NELL2: variants seen among roughly 807,000 people sequenced by gnomAD.
NELL2 encodes protein kinase C-binding protein NELL2.
In NELL2, 41 loss-of-function variants were observed where a neutral mutation model predicts 109.6. That is an observed-to-expected ratio of 0.37 (90% CI 0.29 to 0.49). The LOEUF (loss-of-function observed/expected upper bound fraction) is 0.49. Ranked by LOEUF, NELL2 falls within the 20% of genes least tolerant of loss-of-function variation. The pLI, the probability that NELL2 is intolerant of heterozygous loss-of-function variation, is 0.98. For missense variants in NELL2, 900 were observed against 1,008.3 expected, an observed-to-expected ratio of 0.89 and a Z score of 1.45; for synonymous variants, 355 against 344.7, an observed-to-expected ratio of 1.03 and a Z score of -0.33.
chr12:44,558,577 G>A (rs1180227849), intron 15 of NELL2, among the ~76,000 whole-genome samples: 1 of 152,160 alleles, frequency 6.6e-6, no homozygotes, highest in Non-Finnish European at 1.5e-5. Context: ...AAGGGGTCAG[G>A]GAACTCCCTC....
chr12:44,865,837 A>AAAAG, intron 2 of NELL2, among the ~76,000 whole-genome samples: 1 of 149,672 alleles, frequency 6.7e-6, no homozygotes, highest in South Asian at 2.1e-4. Context: ...AAAAAAAAAA[A>AAAAG]GTTTTAACAA....
At chr12:44,752,614 T>C (rs1940702480) in intron 9 of NELL2, among the ~76,000 whole-genome samples, 1 of 152,182 alleles carries the variant, frequency 6.6e-6, no homozygotes, top group Admixed American at 6.5e-5. Context: ...CAGAAAGTCC[T>C]GAAAAGTTCC....
At chr12:44,623,128 G>T (rs968654561) in intron 13 of NELL2, among the ~76,000 whole-genome samples, 3 of 152,054 alleles carry the variant, frequency 2.0e-5, no homozygotes, top group Non-Finnish European at 2.9e-5. Context: ...AGTTGTGGTC[G>T]TTACAAGATG....
chr12:44,722,520 T>A (rs1304396732), intron 9 of NELL2, among the ~76,000 whole-genome samples: 1 of 152,140 alleles, frequency 6.6e-6, no homozygotes, highest in African/African-American at 2.4e-5. Flanking sequence ...CTTCCCTGCC[T>A]TCAAGGAGCA....
At chr12:44,606,139 T>C (rs909996654) in intron 15 of NELL2, among the ~76,000 whole-genome samples, 2 of 152,124 alleles carry the variant, frequency 1.3e-5, no homozygotes, top group Non-Finnish European at 2.9e-5. Context: ...CACTTAGCAG[T>C]ACTTATAGAA....
At chr12:44,711,189 C>T in intron 11 of NELL2, 103 bp downstream of exon 11, 1 of 795,338 alleles carries the variant, frequency 1.3e-6, no homozygotes, top group Non-Finnish European at 2.1e-6. Flanking sequence ...TACTATTAGT[C>T]TATGGAAATA....
intron 2 of NELL2, among the ~76,000 whole-genome samples, chr12:44,851,467 A>C (rs536016938): frequency 4.6e-5 from 7 of 152,320 alleles, no homozygotes; most frequent in Admixed American, 4.6e-4. Flanking sequence ...CAATAACAAA[A>C]TATGCACAAA....
chr12:44,852,880 G>A (rs1484904153), intron 2 of NELL2, among the ~76,000 whole-genome samples: 1 of 152,104 alleles, frequency 6.6e-6, no homozygotes, highest in African/African-American at 2.4e-5. Context: ...CAGCAGCAAA[G>A]GGATGAAAAT....
intron 2 of NELL2, among the ~76,000 whole-genome samples, chr12:44,852,100 A>T (rs916822918): frequency 6.6e-6 from 1 of 152,122 alleles, no homozygotes; most frequent in Non-Finnish European, 1.5e-5. Context: ...TCTCCATTTA[A>T]TCCACTAAAA....
At chr12:44,690,354 C>A (rs528977341) in intron 12 of NELL2, among the ~76,000 whole-genome samples, 1 of 152,282 alleles carries the variant, frequency 6.6e-6, no homozygotes, top group South Asian at 2.1e-4. Context: ...ATAAACTCTA[C>A]ACCAAAAACC....
chr12:44,882,743 G>A lies in NELL2; in HGVS notation c.39-6843C>T, dbSNP rs971491328. On this transcript the variant is annotated intron_variant, in intron 1 of 20. Transcript: ENST00000333837. ...GGGTTTCACCATGTTGGCCAGGCTG[G>A]TCTCAAACTCCTGACCCCAGGTGAT... Among the ~76,000 whole-genome samples, 10 of 150,534 alleles carry A rather than the reference G, an allele frequency of 6.6e-5. No homozygotes were observed. The East Asian group carries it at 1.4e-3, about 21-fold the overall frequency.
intron 9 of NELL2, among the ~76,000 whole-genome samples, chr12:44,724,719 T>G (rs1317949819): frequency 6.9e-6 from 1 of 145,482 alleles, no homozygotes; most frequent in African/African-American, 2.6e-5. Context: ...CCTATAAAAC[T>G]ACCAATGACA....
At chr12:44,778,233 A>T (rs949112928) in intron 5 of NELL2, among the ~76,000 whole-genome samples, 1 of 152,332 alleles carries the variant, frequency 6.6e-6, no homozygotes. Context: ...AAGATTTACC[A>T]GTCAAATACT....
intron 15 of NELL2, among the ~76,000 whole-genome samples, chr12:44,562,307 T>C (rs1943494832): frequency 6.6e-6 from 1 of 152,118 alleles, no homozygotes; most frequent in Non-Finnish European, 1.5e-5. Flanking sequence ...AAAGCCAAAA[T>C]TGACAAATGG....
Position 44,755,801 on chromosome 12 carries a change from T to G in NELL2, c.994+18946A>C, listed in dbSNP as rs1940864062. Among the ~76,000 whole-genome samples, 4 of 152,208 alleles carry G rather than the reference T, an allele frequency of 2.6e-5. No homozygotes were observed. In the South Asian group the frequency reaches 8.3e-4, roughly 31 times the overall value. ...ATATAAATATCTTTAAGTCTCAAAG[T>G]TTAGTTAGTTTTTGATACTATCATT... On this transcript the variant is annotated intron_variant, in intron 9 of 19. Coordinates refer to ENST00000429094, the MANE Select transcript of NELL2 (RefSeq NM_001145108.2).
At chr12:44,736,004 C>CTTTTTT (rs35988182) in intron 9 of NELL2, among the ~76,000 whole-genome samples, 8 of 99,398 alleles carry the variant, frequency 8.0e-5, no homozygotes, top group South Asian at 3.6e-4. Flanking sequence ...GCAGTTAATT[C>CTTTTTT]TTTTTTTTTT....
intron 2 of NELL2, among the ~76,000 whole-genome samples, chr12:44,825,362 ATTAT>A (rs1380944637): frequency 3.8e-5 from 5 of 130,044 alleles, no homozygotes; most frequent in African/African-American, 1.4e-4. Flanking sequence ...TTTTATAGCT[ATTAT>A]AAATCATATT....
chr12:44,718,390 C>A (rs899826950), intron 9 of NELL2, among the ~76,000 whole-genome samples: 3 of 152,186 alleles, frequency 2.0e-5, no homozygotes, highest in African/African-American at 7.2e-5. Flanking sequence ...AAATTCACTT[C>A]CTCAATAAAA....
At chr12:44,511,094 A>G (rs1176628752) in intron 19 of NELL2, among the ~76,000 whole-genome samples, 1 of 152,196 alleles carries the variant, frequency 6.6e-6, no homozygotes, top group Non-Finnish European at 1.5e-5. Context: ...TGCACCCATA[A>G]GTATGTCTTA....
Sources: allele counts gnomAD v4.1 joint callset (sites outside exome capture counted in the v4.1 genomes callset), GRCh38; gene constraint gnomAD v4.1.1; transcripts MANE v1.5; gene names NCBI Gene and HGNC (gene_info 2026-07-23, HGNC 2026-07-21).